POU3F3: variants seen among roughly 807,000 people sequenced by gnomAD.
POU3F3 encodes POU class 3 homeobox 3.
POU3F3 carries 1 observed loss-of-function variant against 8.6 expected under a neutral mutation model. That is an observed-to-expected ratio of 0.12 (90% CI 0.04 to 0.55). The LOEUF is 0.55. POU3F3 is among the 20% of genes least tolerant of loss of function. The pLI is 0.91. For synonymous variants in POU3F3, 418 were observed against 327.4 expected (o/e 1.28, Z -2.99); for missense variants, 577 against 690.7 (o/e 0.84, Z 1.84).
downstream of POU3F3, among the ~76,000 whole-genome samples, chr2:104,860,765 T>G (rs1676646658): frequency 6.9e-6 from 1 of 145,196 alleles, no homozygotes; most frequent in Non-Finnish European, 1.5e-5. Flanking sequence ...TTTTTTTTTT[T>G]TTTTTTTTTT....
the POU3F3 span, among the ~76,000 whole-genome samples, chr2:104,879,620 C>CTG: frequency 2.6e-5 from 4 of 152,092 alleles, no homozygotes; most frequent in African/African-American, 4.8e-5. Flanking sequence ...TGGGGTGGCC[C>CTG]TGAAGTGGGG....
At chr2:104,853,841 G>A (rs1336107351), upstream of POU3F3, 1 of 152,134 alleles carries the variant, frequency 6.6e-6, no homozygotes, top group Non-Finnish European at 1.5e-5. Flanking sequence ...GAGTTAAGAT[G>A]TGGCGGAGGG....
chr2:104,867,164 T>C, the POU3F3 span: 1 of 152,186 alleles, frequency 6.6e-6, no homozygotes, highest in Non-Finnish European at 1.5e-5. The surrounding 1 kb of genome is among the most constrained non-coding windows in gnomAD (Gnocchi z 5.0). Context: ...CAGGACAGCA[T>C]CGCCCCAATA....
chr2:104,857,164 C>T lies in POU3F3; in HGVS notation c.*151C>T, dbSNP rs1326552279. ...CACCTGGGCCGCTCCGGGCTCCAGCCCAGGCCCATCCGCCGCCCTCCCCTC... is the reference window on the plus strand; with the variant it reads ...CACCTGGGCCGCTCCGGGCTCCAGCTCAGGCCCATCCGCCGCCCTCCCCTC... On this transcript the variant is annotated 3_prime_UTR_variant, in exon 1 of 1. Coordinates refer to ENST00000361360, the MANE Select transcript of POU3F3 (RefSeq NM_006236.3). The T allele has an allele frequency of 1.2e-6, 1 of 828,916 alleles. No homozygotes were observed. The highest frequency in any genetic ancestry group is 1.9e-5 in the African/African-American group (1 of 53,732). The allele number at this position is 828,916 out of a possible 1,614,324, so 51.3% of individuals were successfully genotyped here.
the POU3F3 span, chr2:104,868,084 C>A: frequency 5.5e-6 from 2 of 360,432 alleles, no homozygotes; most frequent in Non-Finnish European, 5.5e-6. Context: ...GAGTTGAAAT[C>A]AACGCAGGAG....
At chr2:104,866,296 G>C in the POU3F3 span, 1 of 152,152 alleles carries the variant, frequency 6.6e-6, no homozygotes, top group Admixed American at 6.5e-5. Context: ...CGGTGAGGAG[G>C]GGCGGCCGAG....
the POU3F3 span, among the ~76,000 whole-genome samples, chr2:104,912,445 T>C: frequency 3.8e-5 from 5 of 130,824 alleles, no homozygotes. Flanking sequence ...AAAATCACTA[T>C]GTGGTGTGGG....
At chr2:104,913,765 G>A in the POU3F3 span, among the ~76,000 whole-genome samples, 2,678 of 152,310 alleles carry the variant, frequency 0.018, 75 homozygotes, top group African/African-American at 0.061. Flanking sequence ...TGAACGTAGA[G>A]CCTGATACAT....
At chr2:104,911,125 C>G in the POU3F3 span, among the ~76,000 whole-genome samples, 1 of 151,916 alleles carries the variant, frequency 6.6e-6, no homozygotes, top group Non-Finnish European at 1.5e-5. Flanking sequence ...TCAAAATGTG[C>G]TACATGGGCC....
the POU3F3 span, among the ~76,000 whole-genome samples, chr2:104,882,347 G>T: frequency 2.7e-5 from 4 of 150,826 alleles, no homozygotes; most frequent in Non-Finnish European, 4.4e-5. Context: ...CGCCTCCCAG[G>T]TTCAAGCAAT....
the POU3F3 span, among the ~76,000 whole-genome samples, chr2:104,922,194 T>C: frequency 2.6e-4 from 40 of 151,860 alleles, no homozygotes; most frequent in African/African-American, 8.9e-4. Context: ...ATGGGGAGAA[T>C]CTGATTACCG....
In POU3F3 at chr2:104,856,857, G is replaced by A. The variant is rs147315122; in HGVS notation, c.1347G>A (p.Val449=). ...LADSLQLEKE[V]VRVWFCNRRQ... is the part of the protein sequence containing the mutation. ...ACAGCCTGCAGCTCGAGAAGGAGGT[G>A]GTGCGGGTCTGGTTCTGCAATCGGC... Residue 449 remains valine (V), a synonymous_variant, in exon 1 of 1, where the codon GTG becomes GTA. Coordinates refer to ENST00000361360, the MANE Select transcript of POU3F3 (RefSeq NM_006236.3). 1.3e-4 allele frequency: 205 copies of A among 1,613,972 alleles called. No homozygotes were observed. The highest frequency in any genetic ancestry group is 1.7e-4 in the Non-Finnish European group (198 of 1,180,012).
chr2:104,923,112 T>C, the POU3F3 span, among the ~76,000 whole-genome samples: 1 of 152,166 alleles, frequency 6.6e-6, no homozygotes, highest in Admixed American at 6.5e-5. Context: ...AAGGAATTCA[T>C]TACCACTAGG....
At chr2:104,861,177 C>T (rs988989603), downstream of POU3F3, among the ~76,000 whole-genome samples, 8 of 152,086 alleles carry the variant, frequency 5.3e-5, no homozygotes, top group African/African-American at 9.7e-5. Context: ...CTTTAAGAGA[C>T]GGGCATATTT....
the POU3F3 span, among the ~76,000 whole-genome samples, chr2:104,882,816 T>G: frequency 6.6e-6 from 1 of 152,204 alleles, no homozygotes; most frequent in Non-Finnish European, 1.5e-5. Flanking sequence ...ACATGATTAT[T>G]TTCTTTCCTT....
the POU3F3 span, among the ~76,000 whole-genome samples, chr2:104,886,686 T>G: frequency 6.6e-6 from 1 of 152,128 alleles, no homozygotes. Context: ...GGTAGGTGGA[T>G]CACCTGAGGT....
Position 104,857,741 on chromosome 2 carries a change from G to A in POU3F3, c.*728G>A, listed in dbSNP as rs1676600742. On this transcript the variant is annotated 3_prime_UTR_variant, in exon 1 of 1. Coordinates refer to ENST00000361360, the MANE Select transcript of POU3F3 (RefSeq NM_006236.3). ...CAAATCAACTCTGAAATGGGAAGGA[G>A]GGGGGAAAAACAGTCTCCAAGAAAA... is the stretch of plus-strand genomic sequence containing the variant. The A allele has an allele frequency of 6.6e-6, 1 of 151,082 alleles. No individual in the cohort carries two copies. The highest frequency in any genetic ancestry group is 1.5e-5 in the Non-Finnish European group (1 of 67,616). 9.4% of individuals were successfully genotyped at this position (151,082 alleles called of 1,614,324 possible). A position where few individuals can be genotyped will look rare whatever the true frequency, so the allele number is the denominator to read the frequency against.
the POU3F3 span, among the ~76,000 whole-genome samples, chr2:104,914,168 T>C: frequency 6.6e-6 from 1 of 152,248 alleles, no homozygotes; most frequent in Non-Finnish European, 1.5e-5. Flanking sequence ...TCCGGTCTGT[T>C]GGCCAGAATT....
chr2:104,874,285 T>C, the POU3F3 span, among the ~76,000 whole-genome samples: 1 of 152,124 alleles, frequency 6.6e-6, no homozygotes, highest in East Asian at 1.9e-4. Context: ...ACAAAGGAAG[T>C]TGGACACAGG....
Sources: gnomAD v4.1 joint callset for allele counts (sites outside exome capture counted in the v4.1 genomes callset) on GRCh38, gnomAD v4.1.1 for gene constraint, Gnocchi (gnomAD v3.1) non-coding constraint, MANE v1.5 for transcripts, NCBI Gene and HGNC (gene_info 2026-07-23, HGNC 2026-07-21) for gene names.